PBX1: variants seen among roughly 807,000 people sequenced by gnomAD.
PBX1 encodes PBX homeobox 1.
Under a neutral mutation model 53.4 loss-of-function variants are expected in PBX1, and 6 were observed. The ratio of observed to expected loss-of-function variants is 0.11; its 90% confidence interval spans 0.06 to 0.22. PBX1 has a LOEUF of 0.22. PBX1 is among the 10% of genes least tolerant of loss of function. PBX1 has a pLI of 1.00. For synonymous variants in PBX1, 204 were observed against 212.3 expected (o/e 0.96, Z 0.34); for missense variants, 251 against 551.4 (o/e 0.46, Z 5.46).
chr1:164,790,360 A>G (rs999080002), intron 2 of PBX1, among the ~76,000 whole-genome samples: 1 of 152,126 alleles, frequency 6.6e-6, no homozygotes, highest in Non-Finnish European at 1.5e-5. Context: ...CACAAAATAA[A>G]CCTCAATGAC....
chr1:164,652,067 C>CT lies in PBX1; in HGVS notation c.265+88768dup, dbSNP rs916304076. ...AAATGGTAGAAAGAGGAAATCATCA[C>CT]TTTTTTTTTTTTGGAGAGGGAGTCT... On this transcript the variant is annotated intron_variant, in intron 2 of 8. Coordinates refer to ENST00000420696, the MANE Select transcript of PBX1 (RefSeq NM_002585.4). 148 of 142,938 alleles carry CT rather than the reference C, an allele frequency of 1.0e-3. 1 individual carries two copies. Among genetic ancestry groups the CT allele is most frequent in the South Asian group, 5.6e-3 (25 of 4,492 alleles). 8.9% of individuals were successfully genotyped at this position (142,938 alleles called of 1,614,324 possible).
intron 2 of PBX1, among the ~76,000 whole-genome samples, chr1:164,715,242 T>C (rs755298191): frequency 1.3e-5 from 2 of 152,262 alleles, no homozygotes; most frequent in Non-Finnish European, 2.9e-5. Flanking sequence ...TTCTCAGCCA[T>C]TCATTTGTTA....
At chr1:164,634,700 C>G (rs545263705) in intron 2 of PBX1, among the ~76,000 whole-genome samples, 1 of 152,232 alleles carries the variant, frequency 6.6e-6, no homozygotes, top group South Asian at 2.1e-4. Flanking sequence ...TTCTTTTTAC[C>G]CAGCATAATT....
At chr1:164,652,213 A>G (rs1184033199) in intron 2 of PBX1, 2 of 151,988 alleles carry the variant, frequency 1.3e-5, no homozygotes, top group African/African-American at 2.4e-5. Context: ...ATGTACCACC[A>G]CACCCAGCTA....
intron 2 of PBX1, chr1:164,774,279 A>C (rs1239027910): frequency 6.6e-6 from 1 of 152,228 alleles, no homozygotes; most frequent in Non-Finnish European, 1.5e-5. Flanking sequence ...GAATTCACTA[A>C]GTAGAGACTT....
chr1:164,872,248 T>C (rs1672400814), intron 2 of PBX1, among the ~76,000 whole-genome samples: 1 of 152,228 alleles, frequency 6.6e-6, no homozygotes, highest in African/African-American at 2.4e-5. Flanking sequence ...ATTCCAGTGG[T>C]GGGGAGTTCA....
At chr1:164,647,597 C>A (rs1659535100) in intron 2 of PBX1, among the ~76,000 whole-genome samples, 1 of 152,044 alleles carries the variant, frequency 6.6e-6, no homozygotes, top group Non-Finnish European at 1.5e-5. Flanking sequence ...GTTGTTACGG[C>A]AATAAAAATC....
At chr1:164,841,451 G>C (rs1671288322) in intron 8 of PBX1, among the ~76,000 whole-genome samples, 1 of 152,166 alleles carries the variant, frequency 6.6e-6, no homozygotes, top group African/African-American at 2.4e-5. Flanking sequence ...GATTTCAACA[G>C]GGAGATGACA....
intron 2 of PBX1, among the ~76,000 whole-genome samples, chr1:164,710,734 G>A (rs534937164): frequency 3.3e-5 from 5 of 152,262 alleles, no homozygotes; most frequent in African/African-American, 1.2e-4. Context: ...TTGGTAAAAC[G>A]GAGAAAAGCC....
At chr1:164,662,927 T>C (rs550717184) in intron 2 of PBX1, among the ~76,000 whole-genome samples, 9 of 152,226 alleles carry the variant, frequency 5.9e-5, no homozygotes. Context: ...CTTCATTTAT[T>C]ATTTTATTAT....
At chr1:164,565,495 A>G (rs950811687) in intron 2 of PBX1, among the ~76,000 whole-genome samples, 4 of 151,810 alleles carry the variant, frequency 2.6e-5, no homozygotes, top group Non-Finnish European at 5.9e-5. Flanking sequence ...AAGTAGGGGA[A>G]AAAAAAGGCT....
At chr1:164,634,014 G>A (rs1428013392) in intron 2 of PBX1, among the ~76,000 whole-genome samples, 3 of 152,172 alleles carry the variant, frequency 2.0e-5, no homozygotes, top group Admixed American at 6.5e-5. Flanking sequence ...CCCGGGTGGC[G>A]TTATCCAGCT....
rs551397254 is a variant in PBX1 at position 164,691,809 on chromosome 1, T to C, written c.266-100685T>C. 2.0e-5 allele frequency among the ~76,000 whole-genome samples: 3 copies of C among 152,338 alleles called. No homozygotes were observed. The East Asian group carries it at 5.8e-4, about 29-fold the overall frequency. On this transcript the variant is annotated intron_variant, in intron 2 of 8. Coordinates refer to ENST00000420696, the MANE Select transcript of PBX1 (RefSeq NM_002585.4). ...CAATCTGGAAATCTGAAAACCAGAATGCTCCCAAATCTGAGAATTTTTGAG... is the reference window on the plus strand; with the variant it reads ...CAATCTGGAAATCTGAAAACCAGAACGCTCCCAAATCTGAGAATTTTTGAG...
chr1:164,816,866 TC>T (rs1252397599), intron 6 of PBX1: 1 of 152,174 alleles, frequency 6.6e-6, no homozygotes, highest in Non-Finnish European at 1.5e-5. Context: ...TTTTTGTTTT[TC>T]TTTAACAAAT....
chr1:164,688,312 A>G (rs919820525), intron 2 of PBX1, among the ~76,000 whole-genome samples: 5 of 152,208 alleles, frequency 3.3e-5, no homozygotes. Flanking sequence ...AGCTCCTATA[A>G]GTAGAGAGAG....
intron 2 of PBX1, among the ~76,000 whole-genome samples, chr1:164,720,796 G>A (rs1206826874): frequency 6.6e-6 from 1 of 152,156 alleles, no homozygotes; most frequent in African/African-American, 2.4e-5. Context: ...TGCCTATTAA[G>A]GTAACAGAGG....
chr1:164,581,831 A>C (rs1654637971), intron 2 of PBX1, among the ~76,000 whole-genome samples: 1 of 152,144 alleles, frequency 6.6e-6, no homozygotes, highest in East Asian at 1.9e-4. Flanking sequence ...TAATCATACT[A>C]TCCTAGTTCA....
intron 2 of PBX1, among the ~76,000 whole-genome samples, chr1:164,752,208 G>C (rs796442297): frequency 6.2e-5 from 5 of 80,200 alleles, no homozygotes; most frequent in African/African-American, 2.2e-4. Flanking sequence ...TTAAGGTTTT[G>C]TGTGTGTGTG....
At chr1:164,743,012 G>T (rs1665694224) in intron 2 of PBX1, among the ~76,000 whole-genome samples, 2 of 152,186 alleles carry the variant, frequency 1.3e-5, no homozygotes, top group South Asian at 2.1e-4. Flanking sequence ...CTGAAATGGG[G>T]TCAGTTCCTG....
Sources: gnomAD v4.1 joint callset for allele counts (sites outside exome capture counted in the v4.1 genomes callset) on GRCh38, gnomAD v4.1.1 for gene constraint, MANE v1.5 for transcripts, NCBI Gene and HGNC (gene_info 2026-07-23, HGNC 2026-07-21) for gene names.